The following ABCA1 variants were observed in gnomAD, a reference collection of about 807,000 sequenced individuals.
ABCA1 encodes the protein ATP binding cassette subfamily A member 1, also known as phospholipid-transporting ATPase ABCA1.
Under a neutral mutation model 262.5 loss-of-function variants are expected in ABCA1, and 133 were observed. That is an observed-to-expected ratio of 0.51 (90% CI 0.44 to 0.59). ABCA1 has a LOEUF of 0.59. Among genes scored for constraint, ABCA1 ranks in the 20% least tolerant of loss-of-function variants. The pLI is 0.00. For missense variants in ABCA1, 2,452 were observed against 2,777.5 expected, an observed-to-expected ratio of 0.88 and a Z score of 2.63; for synonymous variants, 1,022 against 1,043.5, an observed-to-expected ratio of 0.98 and a Z score of 0.40.
chr9:104,815,339 C>A (rs1009671760), intron 25 of ABCA1, among the ~76,000 whole-genome samples: 1 of 152,230 alleles, frequency 6.6e-6, no homozygotes, highest in African/African-American at 2.4e-5. Context: ...TGAAGCCAAA[C>A]CTTAGTATGT....
intron 7 of ABCA1, chr9:104,855,490 C>A: frequency 3.6e-6 from 2 of 556,492 alleles, no homozygotes; most frequent in Non-Finnish European, 5.7e-6. Context: ...CAGATGTGAG[C>A]CACTGTGCCT....
At chr9:104,831,453 C>T (rs537209907) in intron 13 of ABCA1, among the ~76,000 whole-genome samples, 169 bp downstream of exon 13, 8 of 152,240 alleles carry the variant, frequency 5.3e-5, no homozygotes, top group African/African-American at 1.9e-4. Context: ...AAAAACCTTC[C>T]AGCAAGTCAT....
intron 7 of ABCA1, 112 bp from the exon 8 acceptor site, chr9:104,845,681 A>C (rs1426677291): frequency 1.3e-6 from 1 of 767,808 alleles, no homozygotes; most frequent in African/African-American, 1.7e-5. Flanking sequence ...AACAAACAAG[A>C]AACCGACTCC....
At chr9:104,839,494 C>T (rs887241276) in intron 9 of ABCA1, among the ~76,000 whole-genome samples, 1 of 151,954 alleles carries the variant, frequency 6.6e-6, no homozygotes, top group African/African-American at 2.4e-5. Context: ...GCACAGTGCA[C>T]AAGAAATTCT....
intron 4 of ABCA1, 142 bp from the exon 5 acceptor site, chr9:104,883,299 C>T (rs1200701863): frequency 4.1e-6 from 3 of 739,890 alleles, no homozygotes; most frequent in South Asian, 1.4e-5. Flanking sequence ...TCCCATGGCT[C>T]CCCACACCCA....
rs776102861 is a variant in ABCA1, at chr9:104,816,198, C to T, written c.3683G>A (p.Arg1228Gln). 48 of 1,614,030 alleles carry T rather than the reference C, an allele frequency of 3.0e-5. No individual in the cohort carries two copies. Among genetic ancestry groups the T allele is most frequent in the South Asian group, 2.9e-4 (26 of 91,080 alleles). ...ACTAGAAATGCCCAGGTCTGAGAGC[C>T]GGTCATCAATCTCATGAAAGAGTTC... ...FVELFHEIDDRLSDLGISSYG... is the reference protein window; with the variant it reads ...FVELFHEIDDQLSDLGISSYG... The change falls in exon 25 of 50, where the codon CGG becomes CAG. Residue 1228 changes from arginine to glutamine, a missense_variant. By Grantham distance (43) the Arg-to-Gln change is conservative. Transcript: ENST00000374736.
chr9:104,807,833 A>AATAT lies in ABCA1; in HGVS notation c.4275-1407_4275-1404dup, dbSNP rs756381578. 2.5e-4 allele frequency among the ~76,000 whole-genome samples: 34 copies of AATAT among 137,796 alleles called. No homozygotes were observed. The East Asian group carries it at 2.7e-3, about 11-fold the overall frequency. The allele number at this position is 137,796 out of a possible 152,430, so 90.4% of individuals were successfully genotyped here. A position where few individuals can be genotyped will look rare whatever the true frequency, so the allele number is the denominator to read the frequency against. On this transcript the variant is annotated intron_variant, in intron 30 of 49. Transcript: ENST00000374736. Reference sequence around the variant, plus strand: ...ATCTCAAAAAAAAATAAATAAATAAAATATATATATATACACACACACACA... The same window carrying AATAT: ...ATCTCAAAAAAAAATAAATAAATAAAATATATATATATATATACACACACACACA...
At chr9:104,925,677 T>TTTTAATGGTTTGTGGAATTA (rs1397838328) in intron 1 of ABCA1, among the ~76,000 whole-genome samples, 1 of 152,204 alleles carries the variant, frequency 6.6e-6, no homozygotes, top group African/African-American at 2.4e-5. Context: ...GCATTAATTA[T>TTTTAATGGTTTGTGGAATTA]TTTAATGGTT....
chr9:104,816,462 A>T, intron 24 of ABCA1, 117 bp from the exon 25 acceptor site: 1 of 925,400 alleles, frequency 1.1e-6, no homozygotes, highest in Non-Finnish European at 1.7e-6. Context: ...CACCTGTTCC[A>T]GGTGTTTAGG....
chr9:104,821,407 C>T lies in ABCA1; in HGVS notation c.2928G>A (p.Gly976=), dbSNP rs745450065. ...SEMSTIRQNL[G]VCPQHNVLFD... ...ACAGCACGTTATGCTGGGGACAGAC[C>T]CCCAGGTTCTGCCGGATGGTGCTCA... Residue 976 remains glycine, a synonymous_variant, in exon 20 of 50, where the codon GGG becomes GGA. Coordinates refer to ENST00000374736, the MANE Select transcript of ABCA1 (RefSeq NM_005502.4). The T allele has an allele frequency of 9.3e-6, 15 of 1,613,978 alleles. No homozygotes were observed. The highest frequency in any genetic ancestry group is 3.3e-5 in the South Asian group (3 of 91,072).
Position 104,782,541 on chromosome 9 carries a change from A to G in ABCA1, c.*1774T>C, listed in dbSNP as rs1828604793. 1 of 152,140 alleles carries G rather than the reference A, an allele frequency of 6.6e-6. No individual in the cohort carries two copies. The highest frequency in any genetic ancestry group is 2.4e-5 in the African/African-American group (1 of 41,436). The allele number at this position is 152,140 out of a possible 1,614,324, so 9.4% of individuals were successfully genotyped here. On this transcript the variant is annotated 3_prime_UTR_variant, in exon 50 of 50. Coordinates refer to ENST00000374736, the MANE Select transcript of ABCA1 (RefSeq NM_005502.4). ...TAACAGTAAGTATTAGTGAAACAGT[A>G]TTTTTACAAATGTTTACTGACTAGA...
At chr9:104,900,071 G>T (rs935915226) in intron 2 of ABCA1, among the ~76,000 whole-genome samples, 4 of 152,160 alleles carry the variant, frequency 2.6e-5, no homozygotes, top group African/African-American at 9.7e-5. Context: ...TGCACAATGG[G>T]GGTACAGGAG....
chr9:104,814,844 A>T (rs1588278985), intron 25 of ABCA1, among the ~76,000 whole-genome samples: 1 of 152,094 alleles, frequency 6.6e-6, no homozygotes, highest in East Asian at 1.9e-4. Context: ...AAAAATACAA[A>T]ATTAGCTGGG....
intron 7 of ABCA1, among the ~76,000 whole-genome samples, chr9:104,856,330 T>C (rs1835835175): frequency 6.6e-6 from 1 of 152,148 alleles, no homozygotes; most frequent in African/African-American, 2.4e-5. Context: ...AAGAGAGGTC[T>C]CTTGGTAACA....
rs545935318 is a variant in ABCA1, at chr9:104,811,907, C to T, written c.4050+667G>A. On this transcript the variant is annotated intron_variant, in intron 28 of 49. Coordinates refer to ENST00000374736, the MANE Select transcript of ABCA1 (RefSeq NM_005502.4). ...TTGAGCTCTGTATGCTCCAAACTCC[C>T]GCTCTTAACAATATCCACATCATCA... Among the ~76,000 whole-genome samples, 13 of 152,252 alleles carry T rather than the reference C, an allele frequency of 8.5e-5. No homozygotes were observed. The East Asian group carries it at 1.2e-3, about 14-fold the overall frequency.
At chr9:104,884,636 C>CATTT (rs1838988607) in intron 3 of ABCA1, 68 bp from the exon 4 acceptor site, 2 of 1,568,082 alleles carry the variant, frequency 1.3e-6, no homozygotes, top group Non-Finnish European at 1.8e-6. Context: ...TTTGAGGCTC[C>CATTT]ATTTATACAA....
At chr9:104,829,981 CAT>C (rs1342721771) in intron 14 of ABCA1, among the ~76,000 whole-genome samples, 4 of 145,060 alleles carry the variant, frequency 2.8e-5, no homozygotes, top group African/African-American at 1.0e-4. Context: ...CACACACACA[CAT>C]CCCACCACCA....
intron 5 of ABCA1, among the ~76,000 whole-genome samples, chr9:104,881,744 A>G (rs1415348350): frequency 1.3e-5 from 2 of 152,140 alleles, no homozygotes; most frequent in Non-Finnish European, 2.9e-5. Context: ...GGAAGGACTG[A>G]GGCTTTGATC....
chr9:104,850,332 A>G (rs2119069263), intron 7 of ABCA1, among the ~76,000 whole-genome samples: 2 of 152,266 alleles, frequency 1.3e-5, no homozygotes, highest in East Asian at 3.9e-4. Flanking sequence ...ATGTTGGCCA[A>G]GCTGGTCTCC....
Sources: allele counts gnomAD v4.1 joint callset (sites outside exome capture counted in the v4.1 genomes callset), GRCh38; gene constraint gnomAD v4.1.1; transcripts MANE v1.5; gene names NCBI Gene and HGNC (gene_info 2026-07-23, HGNC 2026-07-21).